PPP3CA: variants seen among roughly 807,000 people sequenced by gnomAD.
PPP3CA encodes CAM-PRP catalytic subunit.
PPP3CA carries 14 observed loss-of-function variants against 66.5 expected under a neutral mutation model. That is an observed-to-expected ratio of 0.21 (90% CI 0.14 to 0.33). The LOEUF is 0.33. PPP3CA is among the 10% of genes least tolerant of loss of function. The probability of loss-of-function intolerance (pLI) is 1.00; values close to 1 mark genes in which losing one functional copy is unlikely to be tolerated. For missense variants in PPP3CA, 317 were observed against 639.5 expected (o/e 0.50, Z 5.44); for synonymous variants, 232 against 226.2 (o/e 1.03, Z -0.23).
At chr4:101,063,124 G>T in intron 9 of PPP3CA, 108 bp downstream of exon 9, 1 of 1,336,458 alleles carries the variant, frequency 7.5e-7, no homozygotes, top group Non-Finnish European at 1.0e-6. Flanking sequence ...TGTACAACTT[G>T]TGAATTTTAT....
chr4:101,113,889 C>T (rs1056132750), intron 2 of PPP3CA, among the ~76,000 whole-genome samples: 1 of 152,136 alleles, frequency 6.6e-6, no homozygotes, highest in African/African-American at 2.4e-5. Flanking sequence ...TGCTTGGTTG[C>T]TCAGGGCCCC....
chr4:101,109,680 ATTAAAC>A (rs201912033), intron 2 of PPP3CA, among the ~76,000 whole-genome samples: 2,053 of 151,102 alleles, frequency 0.014, 47 homozygotes, highest in African/African-American at 0.047. Context: ...AAAAACTCCA[ATTAAAC>A]TTAAATTATA....
intron 2 of PPP3CA, among the ~76,000 whole-genome samples, chr4:101,178,470 T>C (rs1724134274): frequency 6.6e-6 from 1 of 152,108 alleles, no homozygotes; most frequent in African/African-American, 2.4e-5. Flanking sequence ...ATACTGCCCC[T>C]GAAAATAATG....
chr4:101,043,887 T>A (rs1021735913), intron 10 of PPP3CA, among the ~76,000 whole-genome samples: 6 of 151,826 alleles, frequency 4.0e-5, no homozygotes, highest in African/African-American at 7.3e-5. Flanking sequence ...AAAAAAAAAA[T>A]TTCTCAATAA....
intron 10 of PPP3CA, among the ~76,000 whole-genome samples, chr4:101,053,245 TA>T (rs1465436981): frequency 6.6e-6 from 1 of 152,148 alleles, no homozygotes; most frequent in Admixed American, 6.6e-5. Context: ...AAAAATCAAA[TA>T]AATTTTGCTA....
chr4:101,320,349 T>C (rs1729000891), intron 1 of PPP3CA, among the ~76,000 whole-genome samples: 1 of 152,108 alleles, frequency 6.6e-6, no homozygotes, highest in Non-Finnish European at 1.5e-5. Flanking sequence ...TTTACTTGCA[T>C]TGTTACTAAA....
chr4:101,204,697 T>C (rs1725078270), intron 1 of PPP3CA, among the ~76,000 whole-genome samples: 2 of 148,614 alleles, frequency 1.3e-5, no homozygotes, highest in Non-Finnish European at 3.0e-5. Context: ...ACATGGACAA[T>C]GCCAATCACA....
intron 1 of PPP3CA, among the ~76,000 whole-genome samples, chr4:101,238,805 C>A (rs1726208907): frequency 6.6e-6 from 1 of 152,044 alleles, no homozygotes; most frequent in South Asian, 2.1e-4. Flanking sequence ...CTATCACCTA[C>A]CCTTCAACTA....
chr4:101,129,568 G>C (rs1722360644), intron 2 of PPP3CA, among the ~76,000 whole-genome samples: 2 of 152,196 alleles, frequency 1.3e-5, no homozygotes, highest in Admixed American at 6.5e-5. Flanking sequence ...GCAATCTGTT[G>C]TTCTGCAGCC....
At chr4:101,030,665 C>T (rs1726904974) in intron 12 of PPP3CA, among the ~76,000 whole-genome samples, 1 of 152,064 alleles carries the variant, frequency 6.6e-6, no homozygotes, top group African/African-American at 2.4e-5. Context: ...ACTGGAAAAA[C>T]TTAAGTAACG....
At chr4:101,256,142 G>A (rs1044984126) in intron 1 of PPP3CA, among the ~76,000 whole-genome samples, 22 of 151,818 alleles carry the variant, frequency 1.4e-4, no homozygotes, top group Non-Finnish European at 1.9e-4. Flanking sequence ...ATTACAAAAC[G>A]TAACAAAGGT....
intron 1 of PPP3CA, 106 bp downstream of exon 1, chr4:101,346,633 C>A: frequency 2.0e-6 from 2 of 980,848 alleles, no homozygotes; most frequent in South Asian, 1.4e-5. Context: ...CTGGAGCGGA[C>A]AGAGGAGAAC....
At chr4:101,136,769 A>G (rs2110287685) in intron 2 of PPP3CA, among the ~76,000 whole-genome samples, 1 of 152,180 alleles carries the variant, frequency 6.6e-6, no homozygotes, top group East Asian at 1.9e-4. Flanking sequence ...AAATGCAGAC[A>G]GTCATCCAAT....
chr4:101,160,257 C>G (rs1412984552), intron 2 of PPP3CA, among the ~76,000 whole-genome samples: 3 of 152,058 alleles, frequency 2.0e-5, no homozygotes. Context: ...ATTTACTTCC[C>G]CATGGAAAAT....
chr4:101,274,194 T>C (rs28513937), intron 1 of PPP3CA, among the ~76,000 whole-genome samples: 99,899 of 151,650 alleles, frequency 0.66, 33,881 homozygotes, highest in Non-Finnish European at 0.75. Context: ...ATCCCAGCTA[T>C]TTGGGAGGCT....
intron 8 of PPP3CA, among the ~76,000 whole-genome samples, chr4:101,066,633 T>G (rs1728693258): frequency 6.6e-6 from 1 of 152,108 alleles, no homozygotes; most frequent in Non-Finnish European, 1.5e-5. Context: ...ATTAGTAAGT[T>G]ACTCAAAATT....
rs1184779699 is a variant in PPP3CA, at chr4:101,289,863, T to A, written c.58+56876A>T. On this transcript the variant is annotated intron_variant, in intron 1 of 13. Coordinates refer to ENST00000394854, the MANE Select transcript of PPP3CA (RefSeq NM_000944.5). Reference sequence around the variant, plus strand: ...ACAATATCACTATAATCCCAAAATGTCCGTGTATGTGTGTGTGTGTGTGTG... The same window carrying A: ...ACAATATCACTATAATCCCAAAATGACCGTGTATGTGTGTGTGTGTGTGTG... Among the ~76,000 whole-genome samples, 5 of 137,894 alleles carry A rather than the reference T, an allele frequency of 3.6e-5. No individual in the cohort carries two copies. The South Asian group carries it at 1.2e-3, about 33-fold the overall frequency. The allele number at this position is 137,894 out of a possible 152,430, so 90.5% of individuals were successfully genotyped here. A position where few individuals can be genotyped will look rare whatever the true frequency, so the allele number is the denominator to read the frequency against.
chr4:101,080,687 T>C (rs1729397343), intron 7 of PPP3CA, 61 bp from the exon 8 acceptor site: 1 of 1,044,704 alleles, frequency 9.6e-7, no homozygotes, highest in Non-Finnish European at 1.3e-6. Context: ...TATCAAATCA[T>C]AGATTGAGAA....
chr4:101,105,918 T>C (rs1288694305), intron 3 of PPP3CA, among the ~76,000 whole-genome samples: 1 of 152,222 alleles, frequency 6.6e-6, no homozygotes, highest in Non-Finnish European at 1.5e-5. Context: ...GAAAGTAGGA[T>C]GCCTATTTCA....
Sources: gnomAD v4.1 joint callset for allele counts (sites outside exome capture counted in the v4.1 genomes callset) on GRCh38, gnomAD v4.1.1 for gene constraint, MANE v1.5 for transcripts, NCBI Gene and HGNC (gene_info 2026-07-23, HGNC 2026-07-21) for gene names.